Variants in UNC13B observed in about 807,000 individuals in gnomAD.
UNC13B encodes protein unc-13 homolog B.
A neutral mutation model predicts 211.0 loss-of-function variants in UNC13B; 144 were observed. The observed-to-expected ratio is 0.68, with a 90% CI of 0.60 to 0.78. UNC13B has a LOEUF of 0.78. UNC13B is among the 30% of genes least tolerant of loss of function. The probability of loss-of-function intolerance (pLI) is 0.00; values close to 1 mark genes in which losing one functional copy is unlikely to be tolerated. For missense variants in UNC13B, 1,777 were observed against 2,002.0 expected, an observed-to-expected ratio of 0.89 and a Z score of 2.14; for synonymous variants, 709 against 725.8, an observed-to-expected ratio of 0.98 and a Z score of 0.37.
chr9:35,294,371 A>G (rs1288111879), intron 7 of UNC13B, among the ~76,000 whole-genome samples: 1 of 151,480 alleles, frequency 6.6e-6, no homozygotes, highest in Non-Finnish European at 1.5e-5. Flanking sequence ...CAATGGCATG[A>G]TCTTAGCTCA....
At chr9:35,296,006 T>A (rs1829340842) in intron 8 of UNC13B, 76 bp downstream of exon 8, 1 of 1,372,104 alleles carries the variant, frequency 7.3e-7, no homozygotes, top group Non-Finnish European at 1.0e-6. Context: ...AGAATTTGGA[T>A]GCTTTAACCT....
Position 35,370,298 on chromosome 9 carries a change from A to G in UNC13B, c.9462-20A>G. The G allele has an allele frequency of 1.9e-6, 3 of 1,612,336 alleles. No individual in the cohort carries two copies. The highest frequency in any genetic ancestry group is 1.7e-6 in the Non-Finnish European group (2 of 1,178,804). Reference sequence around the variant, plus strand: ...TCAAAGCAAGACTGACGGTCCTGACATATTTTCTTCTCTCCTCAGGCCAGC... The same window carrying G: ...TCAAAGCAAGACTGACGGTCCTGACGTATTTTCTTCTCTCCTCAGGCCAGC... On this transcript the variant is annotated intron_variant, in intron 12 of 39. Coordinates refer to ENST00000635942, the MANE Select transcript of UNC13B (RefSeq NM_001371189.2).
chr9:35,205,931 C>T (rs1299182490), intron 1 of UNC13B, among the ~76,000 whole-genome samples: 1 of 152,090 alleles, frequency 6.6e-6, no homozygotes, highest in African/African-American at 2.4e-5. Flanking sequence ...TGCTTGTAAT[C>T]TCAGTACTTT....
intron 1 of UNC13B, among the ~76,000 whole-genome samples, chr9:35,191,011 G>C (rs1822628655): frequency 6.6e-6 from 1 of 152,078 alleles, no homozygotes; most frequent in South Asian, 2.1e-4. Context: ...CCAGGCTGGA[G>C]TGCAGTGGCG....
chr9:35,350,958 A>C (rs1250646502), intron 11 of UNC13B, among the ~76,000 whole-genome samples: 1 of 152,264 alleles, frequency 6.6e-6, no homozygotes, highest in Non-Finnish European at 1.5e-5. Flanking sequence ...TTTCTGAGCC[A>C]GACTCCTAGT....
intron 7 of UNC13B, 68 bp downstream of exon 7, chr9:35,259,118 T>C: frequency 6.6e-7 from 1 of 1,525,252 alleles, no homozygotes; most frequent in Non-Finnish European, 9.1e-7. Context: ...GAACATGGGT[T>C]ATTCTGAGCT....
chr9:35,263,680 A>G (rs537881455), intron 7 of UNC13B, among the ~76,000 whole-genome samples: 4 of 152,228 alleles, frequency 2.6e-5, no homozygotes, highest in Middle Eastern at 3.4e-3. Flanking sequence ...CCCCCCATTT[A>G]TATATTGAAG....
intron 11 of UNC13B, among the ~76,000 whole-genome samples, chr9:35,351,028 C>G (rs1350429268): frequency 6.6e-6 from 1 of 152,164 alleles, no homozygotes; most frequent in African/African-American, 2.4e-5. Context: ...CATCTACCTC[C>G]CAGCAGCTTG....
chr9:35,317,520 T>G (rs1830522288), intron 11 of UNC13B, among the ~76,000 whole-genome samples: 1 of 60,594 alleles, frequency 1.7e-5, no homozygotes, highest in Non-Finnish European at 3.2e-5. Context: ...TAAAGAAGCT[T>G]TTTTTTTTTT....
At chr9:35,237,598 G>A (rs1244261794) in intron 4 of UNC13B, 105 bp from the exon 5 acceptor site, 6 of 1,419,834 alleles carry the variant, frequency 4.2e-6, no homozygotes, top group East Asian at 2.4e-5. Context: ...GATGTGAATG[G>A]CCCTCAGAAG....
At chr9:35,205,712 T>C in intron 1 of UNC13B, among the ~76,000 whole-genome samples, 1 of 152,274 alleles carries the variant, frequency 6.6e-6, no homozygotes, top group East Asian at 1.9e-4. Context: ...ATCCAAGTTG[T>C]AGTGTGTATC....
At chr9:35,258,876 A>G (rs1000301280) in intron 6 of UNC13B, 117 bp from the exon 7 acceptor site, 8 of 896,586 alleles carry the variant, frequency 8.9e-6, no homozygotes, top group Non-Finnish European at 1.2e-5. Flanking sequence ...TTTCTGTTCA[A>G]TAAAAATTTT....
At chr9:35,236,071 T>C (rs1825489659) in intron 3 of UNC13B, among the ~76,000 whole-genome samples, 1 of 151,102 alleles carries the variant, frequency 6.6e-6, no homozygotes. Flanking sequence ...TATACTTGTG[T>C]TACCATCACC....
chr9:35,244,915 A>G (rs954717917), intron 6 of UNC13B, among the ~76,000 whole-genome samples: 22 of 152,082 alleles, frequency 1.4e-4, no homozygotes, highest in Non-Finnish European at 2.6e-4. Flanking sequence ...GTTTTCCGTT[A>G]CCTCCTTTAT....
At chr9:35,213,986 T>C (rs1183251861) in intron 1 of UNC13B, among the ~76,000 whole-genome samples, 1 of 152,026 alleles carries the variant, frequency 6.6e-6, no homozygotes, top group Non-Finnish European at 1.5e-5. Context: ...ACAAAAAAAA[T>C]AGCCAACCAG....
Position 35,361,962 on chromosome 9 carries a change from T to C in UNC13B, c.9415-4985T>C, listed in dbSNP as rs544469883. ...CGTGAGGAGCGGAAGGAAAGTAAGC[T>C]AGAACGGTAGGGGAAGTACAAATCT... is the stretch of plus-strand genomic sequence containing the variant. On this transcript the variant is annotated intron_variant, in intron 11 of 39. Coordinates refer to ENST00000635942, the MANE Select transcript of UNC13B (RefSeq NM_001371189.2). 2.0e-5 allele frequency: 3 copies of C among 152,292 alleles called. No homozygotes were observed. The East Asian group carries it at 5.8e-4, about 29-fold the overall frequency. The allele number at this position is 152,292 out of a possible 1,614,324, so 9.4% of individuals were successfully genotyped here. A position where few individuals can be genotyped will look rare whatever the true frequency, so the allele number is the denominator to read the frequency against.
At chr9:35,346,740 C>A (rs1445440200) in intron 11 of UNC13B, among the ~76,000 whole-genome samples, 1 of 152,014 alleles carries the variant, frequency 6.6e-6, no homozygotes, top group Non-Finnish European at 1.5e-5. Context: ...AATAGGCCAA[C>A]AAAGTAGGGC....
intron 6 of UNC13B, among the ~76,000 whole-genome samples, chr9:35,246,448 C>T (rs950531521): frequency 0.011 from 1,652 of 152,046 alleles, 18 homozygotes; most frequent in Non-Finnish European, 0.017. Flanking sequence ...TGAATGGTAT[C>T]GCCTAGGTTT....
chr9:35,389,915 A>C lies in UNC13B; in HGVS notation c.11164A>C (p.Thr3722Pro). ...CCTGGATTTCTGGCCCAAGCTCATC[A>C]CACTCATCGTGTCAATCATAGAGGA... ...RNLDFWPKLITLIVSIIEEDK... is the reference protein window; with the variant it reads ...RNLDFWPKLIPLIVSIIEEDK... Residue 3722 changes from threonine (T) to proline (P), a missense_variant, in exon 25 of 40, where the codon ACA becomes CCA. Thr to Pro is a conservative substitution (Grantham distance 38, BLOSUM62 -1). Transcript: ENST00000635942. 6.2e-7 allele frequency: 1 copy of C among 1,614,114 alleles called. No homozygotes were observed. Among genetic ancestry groups the C allele is most frequent in the African/African-American group, 1.3e-5 (1 of 75,018 alleles).
Sources: allele counts gnomAD v4.1 joint callset (sites outside exome capture counted in the v4.1 genomes callset), GRCh38; gene constraint gnomAD v4.1.1; transcripts MANE v1.5; gene names NCBI Gene and HGNC (gene_info 2026-07-23, HGNC 2026-07-21).